TNFAIP6: variants seen among roughly 807,000 people sequenced by gnomAD.
The protein encoded by TNFAIP6 is tumor necrosis factor-inducible gene 6 protein.
A neutral mutation model predicts 33.7 loss-of-function variants in TNFAIP6; 36 were observed. The observed-to-expected ratio is 1.07, with a 90% CI of 0.82 to 1.41. The LOEUF (loss-of-function observed/expected upper bound fraction) is 1.41. TNFAIP6 is among the 40% of genes most tolerant of loss of function. The pLI, the probability that TNFAIP6 is intolerant of heterozygous loss-of-function variation, is 0.00. For missense variants in TNFAIP6, 273 were observed against 331.9 expected (o/e 0.82, Z 1.38); for synonymous variants, 113 against 112.8 (o/e 1.00, Z -0.01).
In TNFAIP6 at chr2:151,362,019, T is replaced by A. The variant is rs78565604; in HGVS notation, c.95-1924T>A. ...GAAAACAAAGAACTATATTTCTAAT[T>A]CTCCTGGATTCATTTCTTGGTGCCA... On this transcript the variant is annotated intron_variant, in intron 1 of 5. Coordinates refer to ENST00000243347, the MANE Select transcript of TNFAIP6 (RefSeq NM_007115.4). Among the ~76,000 whole-genome samples the A allele has an allele frequency of 1.4e-4, 22 of 152,294 alleles. No homozygotes were observed. The East Asian group carries it at 4.2e-3, about 29-fold the overall frequency.
chr2:151,372,241 T>A (rs1054811387), intron 4 of TNFAIP6: 9 of 152,200 alleles, frequency 5.9e-5, no homozygotes, highest in African/African-American at 1.9e-4. Context: ...AGCCTATGAA[T>A]AAACATTGTA....
In TNFAIP6 at chr2:151,379,561, A is replaced by C; in HGVS notation, c.*28A>C. 1 of 1,470,160 alleles carries C rather than the reference A, an allele frequency of 6.8e-7. No homozygotes were observed. The highest frequency in any genetic ancestry group is 9.1e-7 in the Non-Finnish European group (1 of 1,097,560). The allele number at this position is 1,470,160 out of a possible 1,614,324, so 91.1% of individuals were successfully genotyped here. A position where few individuals can be genotyped will look rare whatever the true frequency, so the allele number is the denominator to read the frequency against. ...AAAAAAAAAAGGATGATCAAAACAC[A>C]CAGTGTTTATGTTGGAATCTTTTGG... On this transcript the variant is annotated 3_prime_UTR_variant, in exon 6 of 6. Transcript: ENST00000243347.
chr2:151,359,631 G>A (rs374515910), intron 1 of TNFAIP6, among the ~76,000 whole-genome samples: 49 of 152,170 alleles, frequency 3.2e-4, no homozygotes, highest in Admixed American at 2.5e-3. Flanking sequence ...CTCGTGATCC[G>A]CCCACCTTGG....
rs557940940 is a variant in TNFAIP6, at chr2:151,364,001, C to G, written c.153C>G (p.Tyr51Ter). The G allele has an allele frequency of 6.2e-7, 1 of 1,613,992 alleles. No individual in the cohort carries two copies. The highest frequency in any genetic ancestry group is 1.1e-5 in the South Asian group (1 of 91,080). The change falls in exon 2 of 6, where the codon TAC becomes TAG. Residue 51 changes from tyrosine to a stop codon, truncating the protein, a stop_gained. Coordinates refer to ENST00000243347, the MANE Select transcript of TNFAIP6 (RefSeq NM_007115.4). LOFTEE classifies it high-confidence loss of function. ...GGTCTGGCAAATACAAGCTCACCTACGCAGAAGCTAAGGCGGTGTGTGAAT... is the reference window on the plus strand; with the variant it reads ...GGTCTGGCAAATACAAGCTCACCTAGGCAGAAGCTAAGGCGGTGTGTGAAT... The part of the protein sequence containing the change: ...EARSGKYKLT[Y>*]AEAKAVCEFE...
chr2:151,358,286 C>T (rs369417436), intron 1 of TNFAIP6, among the ~76,000 whole-genome samples: 1 of 152,178 alleles, frequency 6.6e-6, no homozygotes, highest in Non-Finnish European at 1.5e-5. Context: ...AAAAATGTTT[C>T]TCCTTCTGAA....
intron 5 of TNFAIP6, among the ~76,000 whole-genome samples, chr2:151,376,220 T>C (rs1482553749): frequency 6.6e-6 from 1 of 152,076 alleles, no homozygotes; most frequent in Non-Finnish European, 1.5e-5. Flanking sequence ...CACGCTAGCC[T>C]GGGCAACAAA....
At chr2:151,363,292 T>A (rs1684658691) in intron 1 of TNFAIP6, among the ~76,000 whole-genome samples, 1 of 146,254 alleles carries the variant, frequency 6.8e-6, no homozygotes, top group African/African-American at 2.5e-5. Flanking sequence ...GGCGACAGAG[T>A]GAGACTCCGT....
chr2:151,360,883 ACTGGGTTTAATTC>A (rs1684614171), intron 1 of TNFAIP6, among the ~76,000 whole-genome samples: 1 of 152,218 alleles, frequency 6.6e-6, no homozygotes, highest in African/African-American at 2.4e-5. Flanking sequence ...GAACAGAGGT[ACTGGGTTTAATTC>A]CTGGGTGATG....
chr2:151,368,768 C>T (rs377612915), intron 3 of TNFAIP6, among the ~76,000 whole-genome samples: 3 of 152,042 alleles, frequency 2.0e-5, no homozygotes, highest in Admixed American at 1.3e-4. Flanking sequence ...AATGATTTTC[C>T]AAGCAGAATT....
chr2:151,361,989 G>A (rs1411939943), intron 1 of TNFAIP6, among the ~76,000 whole-genome samples: 1 of 152,088 alleles, frequency 6.6e-6, no homozygotes, highest in African/African-American at 2.4e-5. Flanking sequence ...CTTCAGTTTG[G>A]GGTGGAAAAC....
downstream of TNFAIP6, among the ~76,000 whole-genome samples, chr2:151,381,043 C>G (rs1014182680): frequency 2.6e-5 from 4 of 152,166 alleles, no homozygotes; most frequent in Non-Finnish European, 5.9e-5. Context: ...AGACGATACC[C>G]TAAAGTATGA....
chr2:151,376,865 C>CTTTTTTTTTTTTT (rs71403162), intron 5 of TNFAIP6, among the ~76,000 whole-genome samples: 251 of 114,178 alleles, frequency 2.2e-3, no homozygotes, highest in African/African-American at 5.4e-3. Flanking sequence ...TTTTTCTTTT[C>CTTTTTTTTTTTTT]TTTTTTTTTT....
intron 5 of TNFAIP6, among the ~76,000 whole-genome samples, chr2:151,375,891 G>A (rs1295338566): frequency 2.6e-5 from 4 of 152,176 alleles, no homozygotes; most frequent in East Asian, 1.9e-4. Context: ...GGTGAGAGGC[G>A]TGAGCCTCAG....
chr2:151,375,029 G>C (rs1684878007), intron 5 of TNFAIP6, among the ~76,000 whole-genome samples: 2 of 150,498 alleles, frequency 1.3e-5, no homozygotes, highest in African/African-American at 4.9e-5. Context: ...GGAGGCTGAG[G>C]CAGGAGAATT....
chr2:151,371,658 A>C (rs1283150795), intron 4 of TNFAIP6, among the ~76,000 whole-genome samples: 1 of 151,282 alleles, frequency 6.6e-6, no homozygotes, highest in Non-Finnish European at 1.5e-5. Flanking sequence ...GCAGTGGCAC[A>C]ATCTCGGCTC....
intron 5 of TNFAIP6, 181 bp downstream of exon 5, chr2:151,373,770 T>A: frequency 2.9e-6 from 1 of 349,452 alleles, no homozygotes; most frequent in Admixed American, 4.7e-5. Flanking sequence ...ATTAAAGATT[T>A]ATGCCAACTG....
At position 151,379,397 on chromosome 2, in the gene TNFAIP6, C is replaced by T; in HGVS notation, c.698C>T (p.Ala233Val). ...ATGACCTTGAAGTTTCTAAGTGATG[C>T]TTCAGTGACAGCTGGAGGTTTCCAA... ...NVMTLKFLSD[A>V]SVTAGGFQIK... The change falls in exon 6 of 6, where the codon GCT becomes GTT. Residue 233 changes from alanine to valine, a missense_variant. Transcript: ENST00000243347. 6.2e-7 allele frequency: 1 copy of T among 1,604,090 alleles called. No homozygotes were observed. Among genetic ancestry groups the T allele is most frequent in the East Asian group, 2.3e-5 (1 of 44,164 alleles).
chr2:151,377,080 C>G (rs1356887991), intron 5 of TNFAIP6, among the ~76,000 whole-genome samples: 3 of 151,974 alleles, frequency 2.0e-5, no homozygotes, highest in Non-Finnish European at 4.4e-5. Flanking sequence ...TTCAAGCTGT[C>G]CTCCTGCCTC....
At chr2:151,375,062 T>C (rs1684878936) in intron 5 of TNFAIP6, among the ~76,000 whole-genome samples, 1 of 147,280 alleles carries the variant, frequency 6.8e-6, no homozygotes, top group South Asian at 2.1e-4. Flanking sequence ...GAGGCAGAGG[T>C]TGTGGTGAGC....
Sources: allele counts gnomAD v4.1 joint callset (sites outside exome capture counted in the v4.1 genomes callset), GRCh38; gene constraint gnomAD v4.1.1; transcripts MANE v1.5; gene names NCBI Gene and HGNC (gene_info 2026-07-23, HGNC 2026-07-21).